USP3: variants seen among roughly 807,000 people sequenced by gnomAD.
USP3 encodes the protein ubiquitin specific peptidase 3.
In USP3, 20 loss-of-function variants were observed where a neutral mutation model predicts 72.3. The observed-to-expected ratio is 0.28, with a 90% CI of 0.19 to 0.40. USP3 has a LOEUF of 0.40. Among genes scored for constraint, USP3 ranks in the 10% least tolerant of loss-of-function variants. The pLI is 1.00. For missense variants in USP3, 479 were observed against 633.9 expected (o/e 0.76, Z 2.62); for synonymous variants, 222 against 225.3 (o/e 0.99, Z 0.13).
At position 63,562,807 on chromosome 15, in the gene USP3, A is replaced by G. The variant is rs562746868; in HGVS notation, c.648-88A>G. 32 of 732,166 alleles carry G rather than the reference A, an allele frequency of 4.4e-5. 1 individual carries two copies. In the African/African-American group the frequency reaches 4.7e-4, roughly 11 times the overall value. 45.4% of individuals were successfully genotyped at this position (732,166 alleles called of 1,614,324 possible). A position where few individuals can be genotyped will look rare whatever the true frequency, so the allele number is the denominator to read the frequency against. On this transcript the variant is annotated intron_variant, in intron 7 of 14. Transcript: ENST00000380324. ...AATCCTTTTTAAGTGTTCATTTCCT[A>G]TATATTAGGCATTTTAGATGGGTGG...
Position 63,528,856 on chromosome 15 carries a change from A to T in USP3, c.92-3791A>T, listed in dbSNP as rs1396528006. 6.6e-6 allele frequency among the ~76,000 whole-genome samples: 1 copy of T among 152,240 alleles called. No individual in the cohort carries two copies. Among genetic ancestry groups the T allele is most frequent in the Non-Finnish European group, 1.5e-5 (1 of 68,044 alleles). On this transcript the variant is annotated intron_variant, in intron 1 of 14. Transcript: ENST00000380324. This position sits in a 1 kb window ranked among gnomAD's most constrained non-coding sequence, Gnocchi z 4.3. ...TAACAATAATTGAGAGTTTAATTTA[A>T]AGCCAGTGTTTTTCAGTCTATTTTA... is the stretch of plus-strand genomic sequence containing the variant.
chr15:63,578,501 A>G (rs1371722958), intron 11 of USP3, among the ~76,000 whole-genome samples: 1 of 149,756 alleles, frequency 6.7e-6, no homozygotes, highest in African/African-American at 2.5e-5. Flanking sequence ...AGTCCCACCT[A>G]CTCAGGAGGC....
intron 11 of USP3, among the ~76,000 whole-genome samples, chr15:63,584,092 G>GTTTTTTTTTTTTTTTTTTTTTT (rs61574200): frequency 1.2e-5 from 1 of 85,598 alleles, no homozygotes; most frequent in Non-Finnish European, 2.2e-5. Flanking sequence ...CAACGGTTTT[G>GTTTTTTTTTTTTTTTTTTTTTT]TTTTTTTTTT....
chr15:63,539,612 C>T lies in USP3; in HGVS notation c.284+2456C>T, dbSNP rs143820923. Reference sequence around the variant, plus strand: ...CGCTATGGTCTGCTAAAGTATATGTCGTTTCATGGTGGAATTGGAATTAAA... The same window carrying T: ...CGCTATGGTCTGCTAAAGTATATGTTGTTTCATGGTGGAATTGGAATTAAA... On this transcript the variant is annotated intron_variant, in intron 3 of 14. Transcript: ENST00000380324. Among the ~76,000 whole-genome samples the T allele has an allele frequency of 3.9e-5, 6 of 152,166 alleles. No individual in the cohort carries two copies. The East Asian group carries it at 5.8e-4, about 15-fold the overall frequency.
Position 63,591,332 on chromosome 15 carries a change from T to C in USP3, c.*506T>C, listed in dbSNP as rs1277423099. 6.6e-6 allele frequency: 1 copy of C among 152,590 alleles called. No individual in the cohort carries two copies. The highest frequency in any genetic ancestry group is 2.4e-5 in the African/African-American group (1 of 41,464). 9.5% of individuals were successfully genotyped at this position (152,590 alleles called of 1,614,324 possible). On this transcript the variant is annotated 3_prime_UTR_variant, in exon 15 of 15. Transcript: ENST00000380324. ...AATGACTGCTGAGGAATCATTCTTTTTGCCTGTAAAATATAACAAAGGGCA... is the reference window on the plus strand; with the variant it reads ...AATGACTGCTGAGGAATCATTCTTTCTGCCTGTAAAATATAACAAAGGGCA...
At chr15:63,547,888 G>GAGAGGCGCAT (rs1555446527) in intron 3 of USP3, among the ~76,000 whole-genome samples, 3 of 73,300 alleles carry the variant, frequency 4.1e-5, no homozygotes, top group Admixed American at 1.3e-4. Flanking sequence ...GAGAGAGAGA[G>GAGAGGCGCAT]AGAGAGAGGC....
Position 63,559,936 on chromosome 15 carries a change from A to G in USP3, c.613A>G (p.Thr205Ala), listed in dbSNP as rs754979776. The change falls in exon 7 of 15, where the codon ACA (threonine) becomes GCA (alanine). Residue 205 changes from threonine (T) to alanine (A), a missense_variant. Transcript: ENST00000380324. ...GAATGGGAAAACAGCAGGAAGGCGG[A>G]CATACCACACCAGGAGCCAAGGGGA... ...LRNGKTAGRR[T>A]YHTRSQGDNN... 1 of 1,614,106 alleles carries G rather than the reference A, an allele frequency of 6.2e-7. No homozygotes were observed. Among genetic ancestry groups the G allele is most frequent in the South Asian group, 1.1e-5 (1 of 91,080 alleles).
chr15:63,514,654 C>G (rs1403252625), intron 1 of USP3, among the ~76,000 whole-genome samples: 2 of 152,044 alleles, frequency 1.3e-5, no homozygotes, highest in African/African-American at 4.8e-5. Context: ...CTATTGTTCT[C>G]CAAGGAAAGT....
chr15:63,536,180 GTT>G (rs752136349), intron 2 of USP3, among the ~76,000 whole-genome samples: 2 of 152,190 alleles, frequency 1.3e-5, no homozygotes, highest in Non-Finnish European at 2.9e-5. Flanking sequence ...AGAAATAGCA[GTT>G]TTTGTAAGCT....
At chr15:63,558,292 C>T (rs1173203208) in intron 6 of USP3, 104 bp downstream of exon 6, 1 of 1,253,340 alleles carries the variant, frequency 8.0e-7, no homozygotes, top group Non-Finnish European at 1.1e-6. Context: ...TGGTTTGGAG[C>T]AAGATACCTT....
intron 1 of USP3, among the ~76,000 whole-genome samples, chr15:63,525,899 T>C (rs886979816): frequency 6.6e-6 from 1 of 152,236 alleles, no homozygotes; most frequent in African/African-American, 2.4e-5. Flanking sequence ...TGTGTGTGTT[T>C]TAATAACTGC....
chr15:63,519,797 G>A (rs2065893940), intron 1 of USP3, among the ~76,000 whole-genome samples: 1 of 152,112 alleles, frequency 6.6e-6, no homozygotes, highest in Non-Finnish European at 1.5e-5. Context: ...TTGGCATTCT[G>A]CTATAAGAAA....
chr15:63,586,345 T>G (rs2067061884), intron 11 of USP3, among the ~76,000 whole-genome samples: 3 of 152,330 alleles, frequency 2.0e-5, no homozygotes, highest in Admixed American at 1.3e-4. Flanking sequence ...GAAGTTCTCC[T>G]TTTTTCTAGT....
At chr15:63,558,248 C>G in intron 6 of USP3, 60 bp downstream of exon 6, 2 of 1,562,364 alleles carry the variant, frequency 1.3e-6, no homozygotes, top group Non-Finnish European at 1.8e-6. Flanking sequence ...CGGGCTCTGG[C>G]TCCCTATCTC....
intron 1 of USP3, among the ~76,000 whole-genome samples, chr15:63,531,785 A>G (rs2066079875): frequency 6.6e-6 from 1 of 152,142 alleles, no homozygotes; most frequent in Non-Finnish European, 1.5e-5. Flanking sequence ...TGCTCCTCCC[A>G]TGCCTCTAGG....
chr15:63,590,556 T>G, intron 14 of USP3, 105 bp from the exon 15 acceptor site: 3 of 1,110,260 alleles, frequency 2.7e-6, no homozygotes, highest in Non-Finnish European at 3.6e-6. Context: ...AAATCAAAAG[T>G]CTAGGATGTA....
chr15:63,562,958 T>C lies in USP3; in HGVS notation c.711T>C (p.Phe237=). The C allele has an allele frequency of 1.2e-6, 2 of 1,613,016 alleles. No individual in the cohort carries two copies. The highest frequency in any genetic ancestry group is 1.7e-6 in the Non-Finnish European group (2 of 1,179,560). Residue 237 remains phenylalanine (F), a synonymous_variant, in exon 8 of 15, where the codon TTT becomes TTC. Transcript: ENST00000380324. ...CALWQGSQTA[F]SPESLFYVVW... is the part of the protein sequence containing the mutation. ...TATGGCAAGGCAGCCAGACTGCATT[T>C]AGCCCAGAGTCCTTATTTTATGTTG...
At position 63,570,684 on chromosome 15, in the gene USP3, T is replaced by C. The variant is rs1467434945; in HGVS notation, c.908+105T>C. On this transcript the variant is annotated intron_variant, in intron 9 of 14. Transcript: ENST00000380324. The surrounding 1 kb of genome is among the most constrained non-coding windows in gnomAD (Gnocchi z 4.4). ...GGAAGGTAGAGGGGTTTCTTGGACA[T>C]TTGCTGGAACTTTTCGTGCCCTTGA... The C allele has an allele frequency of 6.7e-7, 1 of 1,496,208 alleles. No individual in the cohort carries two copies. Among genetic ancestry groups the C allele is most frequent in the African/African-American group, 1.4e-5 (1 of 71,166 alleles). The allele number at this position is 1,496,208 out of a possible 1,614,324, so 92.7% of individuals were successfully genotyped here.
chr15:63,555,569 A>C (rs956995599), intron 4 of USP3, among the ~76,000 whole-genome samples: 1 of 152,250 alleles, frequency 6.6e-6, no homozygotes, highest in Non-Finnish European at 1.5e-5. Flanking sequence ...GATAAAATTT[A>C]GTAACTTACA....
Sources: gnomAD v4.1 joint callset for allele counts (sites outside exome capture counted in the v4.1 genomes callset) on GRCh38, gnomAD v4.1.1 for gene constraint, Gnocchi (gnomAD v3.1) non-coding constraint, MANE v1.5 for transcripts, NCBI Gene and HGNC (gene_info 2026-07-23, HGNC 2026-07-21) for gene names.